The following HMBOX1 variants were observed in gnomAD, a reference collection of about 807,000 sequenced individuals.
The protein encoded by HMBOX1 is homeobox containing 1.
A neutral mutation model predicts 54.5 loss-of-function variants in HMBOX1; 14 were observed. That is an observed-to-expected ratio of 0.26 (90% CI 0.17 to 0.40). HMBOX1 has a LOEUF of 0.40. Ranked by LOEUF, HMBOX1 falls within the 10% of genes least tolerant of loss-of-function variation. The probability of loss-of-function intolerance (pLI) is 1.00; values close to 1 mark genes in which losing one functional copy is unlikely to be tolerated. For missense variants in HMBOX1, 332 were observed against 514.4 expected (o/e 0.65, Z 3.43); for synonymous variants, 160 against 181.0 (o/e 0.88, Z 0.93).
chr8:28,929,755 A>G (rs1200521082), intron 1 of HMBOX1, among the ~76,000 whole-genome samples: 1 of 152,096 alleles, frequency 6.6e-6, no homozygotes, highest in Non-Finnish European at 1.5e-5. Context: ...AGTTGGAGAA[A>G]TAAATTTGTG....
intron 4 of HMBOX1, among the ~76,000 whole-genome samples, chr8:28,983,681 G>T (rs1466300648): frequency 2.6e-5 from 4 of 152,180 alleles, no homozygotes; most frequent in Non-Finnish European, 5.9e-5. Flanking sequence ...TGTAAGAGGA[G>T]AACAGGTGAT....
At chr8:28,962,770 G>A (rs1423046095) in intron 1 of HMBOX1, among the ~76,000 whole-genome samples, 1 of 151,942 alleles carries the variant, frequency 6.6e-6, no homozygotes, top group East Asian at 1.9e-4. Flanking sequence ...ATTAGTTTCT[G>A]GATTGTTACT....
intron 4 of HMBOX1, among the ~76,000 whole-genome samples, chr8:28,995,747 T>C (rs1011339983): frequency 6.6e-6 from 1 of 152,198 alleles, no homozygotes; most frequent in African/African-American, 2.4e-5. Flanking sequence ...TTCATGTGCA[T>C]CTTGGTTATT....
Position 28,963,882 on chromosome 8 carries a change from T to G in HMBOX1, c.15T>G (p.Phe5Leu). Residue 5 changes from phenylalanine to leucine, a missense_variant, in exon 2 of 10, where the codon TTT becomes TTG. Physicochemically the swap from Phe to Leu is conservative, Grantham distance 22 (BLOSUM62 0). Coordinates refer to ENST00000287701, the MANE Select transcript of HMBOX1 (RefSeq NM_001135726.3). MLSS[F>L]PVVLLETMSH... ...TCATGTAAAGTATGCTTAGTTCCTT[T>G]CCAGTGGTGTAAGTATCAAGTCCTT... 6.2e-7 allele frequency: 1 copy of G among 1,603,170 alleles called. No homozygotes were observed. The highest frequency in any genetic ancestry group is 1.1e-5 in the South Asian group (1 of 89,650).
At chr8:28,968,456 G>A (rs990113053) in intron 2 of HMBOX1, among the ~76,000 whole-genome samples, 1 of 152,150 alleles carries the variant, frequency 6.6e-6, no homozygotes, top group Non-Finnish European at 1.5e-5. Context: ...TTTTCCTACT[G>A]TTTACTCAGA....
chr8:28,897,018 C>T (rs1238186843), intron 1 of HMBOX1, among the ~76,000 whole-genome samples: 1 of 139,854 alleles, frequency 7.2e-6, no homozygotes, highest in African/African-American at 2.7e-5. Flanking sequence ...GAGTTTCGCT[C>T]TTGTTACCCA....
chr8:29,049,563 C>T (rs916260596), intron 9 of HMBOX1: 29 of 930,018 alleles, frequency 3.1e-5, no homozygotes, highest in Non-Finnish European at 3.8e-5. Context: ...TCCAGAGTCT[C>T]TGGCACACTG....
chr8:29,005,771 C>T (rs1171666154), intron 4 of HMBOX1, among the ~76,000 whole-genome samples: 2 of 152,088 alleles, frequency 1.3e-5, no homozygotes, highest in Admixed American at 6.6e-5. Context: ...TGATTTCCAT[C>T]GCTATAGATT....
At position 28,921,312 on chromosome 8, in the gene HMBOX1, G is replaced by T. The variant is rs371195826; in HGVS notation, c.-58+30634G>T. Among the ~76,000 whole-genome samples, 587 of 152,310 alleles carry T rather than the reference G, an allele frequency of 3.9e-3. 2 individuals carry two copies. Among genetic ancestry groups the T allele is most frequent in the African/African-American group, 0.013 (533 of 41,580 alleles). Reference sequence around the variant, plus strand: ...GATCATGCCACCGCACTCCAGCCTGGGCAACAGAGTGAGACCCTGTCTCAA... The same window carrying T: ...GATCATGCCACCGCACTCCAGCCTGTGCAACAGAGTGAGACCCTGTCTCAA... On this transcript the variant is annotated intron_variant, in intron 1 of 9. Transcript: ENST00000287701.
In HMBOX1 at chr8:29,019,411, GT is replaced by G. The variant is rs201156453; in HGVS notation, c.851+508del. 1.6e-4 allele frequency among the ~76,000 whole-genome samples: 23 copies of G among 148,358 alleles called. No homozygotes were observed. The South Asian group carries it at 2.6e-3, about 17-fold the overall frequency. On this transcript the variant is annotated intron_variant, in intron 6 of 9. Transcript: ENST00000287701. The stretch of plus-strand genomic sequence containing the variant: ...CCTGATCCATAGTAGGCACTCAGTG[GT>G]TTTTTTTTTAACCTGAATTTGACCG...
At chr8:29,032,589 C>G (rs1803173350) in intron 6 of HMBOX1, among the ~76,000 whole-genome samples, 2 of 152,070 alleles carry the variant, frequency 1.3e-5, no homozygotes. Context: ...AAAATTTGGG[C>G]AATATCTTTG....
chr8:29,047,146 A>G (rs1288265853), intron 7 of HMBOX1, among the ~76,000 whole-genome samples: 1 of 152,202 alleles, frequency 6.6e-6, no homozygotes, highest in African/African-American at 2.4e-5. Flanking sequence ...TTGTGTTACT[A>G]GTTGTTGTTT....
At chr8:28,963,692 T>C (rs953827348) in intron 1 of HMBOX1, 119 bp from the exon 2 acceptor site, 5 of 501,362 alleles carry the variant, frequency 1.0e-5, no homozygotes, top group South Asian at 7.5e-5. Flanking sequence ...TCAGAAGATA[T>C]AATATTTAAC....
chr8:29,025,289 G>A (rs1401530746), intron 6 of HMBOX1, among the ~76,000 whole-genome samples: 1 of 152,190 alleles, frequency 6.6e-6, no homozygotes, highest in African/African-American at 2.4e-5. Context: ...CCTGCCATTA[G>A]AAAATGCTTT....
At chr8:28,912,120 A>G (rs904835738) in intron 1 of HMBOX1, among the ~76,000 whole-genome samples, 2 of 152,210 alleles carry the variant, frequency 1.3e-5, no homozygotes, top group Non-Finnish European at 2.9e-5. Context: ...TTCTAAGCAC[A>G]TTTTGATTAG....
Position 28,940,505 on chromosome 8 carries a change from C to A in HMBOX1, c.-57-23306C>A, listed in dbSNP as rs536021929. On this transcript the variant is annotated intron_variant, in intron 1 of 9. Transcript: ENST00000287701. ...GTTATTTATGTAATGACTCTCACTA[C>A]ACTGTAAGCTTCCTAAGGGTAGAAA... Among the ~76,000 whole-genome samples, 17 of 152,346 alleles carry A rather than the reference C, an allele frequency of 1.1e-4. No homozygotes were observed. The East Asian group carries it at 3.3e-3, about 29-fold the overall frequency.
chr8:28,908,528 G>A (rs542055608), intron 1 of HMBOX1, among the ~76,000 whole-genome samples: 1 of 152,312 alleles, frequency 6.6e-6, no homozygotes, highest in East Asian at 1.9e-4. Context: ...GCCAAGGCGG[G>A]CAGATCACCT....
intron 4 of HMBOX1, among the ~76,000 whole-genome samples, chr8:28,990,826 G>T (rs1830874583): frequency 6.6e-6 from 1 of 151,990 alleles, no homozygotes; most frequent in South Asian, 2.1e-4. Flanking sequence ...GCTAATTTTT[G>T]TATTTTTAGT....
intron 1 of HMBOX1, among the ~76,000 whole-genome samples, chr8:28,935,246 T>G (rs1227960846): frequency 6.6e-6 from 1 of 152,198 alleles, no homozygotes; most frequent in Non-Finnish European, 1.5e-5. Flanking sequence ...CCTGGGAGGC[T>G]TTTATAGAAC....
Sources: allele counts gnomAD v4.1 joint callset (sites outside exome capture counted in the v4.1 genomes callset), GRCh38; gene constraint gnomAD v4.1.1; transcripts MANE v1.5; gene names NCBI Gene and HGNC (gene_info 2026-07-23, HGNC 2026-07-21).